The following ANO9 variants were observed in gnomAD, a reference collection of about 807,000 sequenced individuals.
ANO9 encodes the protein anoctamin-9.
Under a neutral mutation model 100.5 loss-of-function variants are expected in ANO9, and 80 were observed. The observed-to-expected ratio is 0.80, with a 90% CI of 0.66 to 0.96. ANO9 has a LOEUF of 0.96. Ranked by LOEUF, ANO9 falls within the 40% of genes least tolerant of loss-of-function variation. ANO9 has a pLI of 0.00. For synonymous variants in ANO9, 473 were observed against 435.6 expected, an observed-to-expected ratio of 1.09 and a Z score of -1.07; for missense variants, 1,064 against 1,072.7, an observed-to-expected ratio of 0.99 and a Z score of 0.11.
Position 418,914 on chromosome 11 carries a change from C to T in ANO9, c.2010G>A (p.Glu670=), listed in dbSNP as rs1454964335. ...TKDFQDPDGI[E]GSENVTLCRY... Reference sequence around the variant, plus strand: ...TGCACAGAGTCACGTTTTCTGAGCCCTCAATCCCATCAGGGTCCTGGAAGT... The same window carrying T: ...TGCACAGAGTCACGTTTTCTGAGCCTTCAATCCCATCAGGGTCCTGGAAGT... The change falls in exon 21 of 23, where the codon GAG becomes GAA. Residue 670 remains glutamate, a synonymous_variant. Transcript: ENST00000332826. 2 of 1,613,588 alleles carry T rather than the reference C, an allele frequency of 1.2e-6. No homozygotes were observed. Among genetic ancestry groups the T allele is most frequent in the South Asian group, 2.2e-5 (2 of 91,084 alleles).
intron 15 of ANO9, among the ~76,000 whole-genome samples, chr11:426,076 C>T (rs1336993576): frequency 6.6e-6 from 1 of 152,172 alleles, no homozygotes; most frequent in Non-Finnish European, 1.5e-5. Flanking sequence ...AATGAAAAGA[C>T]TTTGCCCATC....
intron 3 of ANO9, 143 bp from the exon 4 acceptor site, chr11:433,602 C>G (rs1392131963): frequency 1.2e-5 from 17 of 1,455,912 alleles, no homozygotes; most frequent in African/African-American, 1.5e-5. Flanking sequence ...CCGCTGTGGC[C>G]CAGAGCCACG....
rs562549592 is a variant in ANO9 at position 422,133 on chromosome 11, C to T, written c.1335-935G>A. Among the ~76,000 whole-genome samples, 1 of 152,296 alleles carries T rather than the reference C, an allele frequency of 6.6e-6. No homozygotes were observed. ...GGGGAAACATGGCATGAGAAAGTAT[C>T]GGTCACCCGCAGACACCAGCACAAG... is the stretch of plus-strand genomic sequence containing the variant. On this transcript the variant is annotated intron_variant, in intron 15 of 22. Transcript: ENST00000332826. The surrounding 1 kb of genome is among the most constrained non-coding windows in gnomAD (Gnocchi z 4.3).
rs1237516400 is a variant in ANO9, at chr11:419,756, C to G, written c.1787-27G>C. 4 of 1,581,966 alleles carry G rather than the reference C, an allele frequency of 2.5e-6. No individual in the cohort carries two copies. The African/African-American group carries it at 4.7e-5, about 19-fold the overall frequency. ...TGCACCAGAGCAGTGGGCAAGCGGT[C>G]TGACTCAGCGTCCCTCGGCTGGTTC... On this transcript the variant is annotated intron_variant, in intron 19 of 22. Coordinates refer to ENST00000332826, the MANE Select transcript of ANO9 (RefSeq NM_001012302.3).
rs1849048578 is a variant in ANO9, at chr11:431,986, C to A, written c.406+13G>T. ...CCGCAGCGCCCCTGTCAGTGCCCCACCCCTGCCCTTACCACCAGCCGAGGT... is the reference window on the plus strand; with the variant it reads ...CCGCAGCGCCCCTGTCAGTGCCCCAACCCTGCCCTTACCACCAGCCGAGGT... On this transcript the variant is annotated intron_variant, in intron 5 of 22. Coordinates refer to ENST00000332826, the MANE Select transcript of ANO9 (RefSeq NM_001012302.3). 2 of 1,613,094 alleles carry A rather than the reference C, an allele frequency of 1.2e-6. No individual in the cohort carries two copies. Among genetic ancestry groups the A allele is most frequent in the East Asian group, 4.5e-5 (2 of 44,880 alleles).
At position 433,932 on chromosome 11, in the gene ANO9, C is replaced by A; in HGVS notation, c.87G>T (p.Glu29Asp). 6.4e-7 allele frequency: 1 copy of A among 1,561,382 alleles called. No individual in the cohort carries two copies. The highest frequency in any genetic ancestry group is 8.7e-7 in the Non-Finnish European group (1 of 1,152,660). Residue 29 changes from glutamate to aspartate, a missense_variant, in exon 3 of 23, where the codon GAG (glutamate) becomes GAT (aspartate). Transcript: ENST00000332826. The stretch of plus-strand genomic sequence containing the variant: ...GGACATAGTCCCACTGCTCGGAGGC[C>A]TCGGTCTGCAGGGAGGAGGCATGGG... Reference protein sequence around the residue: ...PLMEISTCETEASEQWDYVLV... With the variant: ...PLMEISTCETDASEQWDYVLV...
Position 434,232 on chromosome 11 carries a change from G to A in ANO9, c.7-134C>T, listed in dbSNP as rs147372503. The A allele has an allele frequency of 8.1e-4, 876 of 1,080,158 alleles. 2 individuals carry two copies. The African/African-American group carries it at 0.011, about 14-fold the overall frequency. 66.9% of individuals were successfully genotyped at this position (1,080,158 alleles called of 1,614,324 possible). ...CACAAGGAGAACAGCAAAGAGTCCCGAGGAGATGGCTGTAGGCGGGTGACA... is the reference window on the plus strand; with the variant it reads ...CACAAGGAGAACAGCAAAGAGTCCCAAGGAGATGGCTGTAGGCGGGTGACA... On this transcript the variant is annotated intron_variant, in intron 1 of 22. Coordinates refer to ENST00000332826, the MANE Select transcript of ANO9 (RefSeq NM_001012302.3).
Position 420,704 on chromosome 11 carries a change from C to T in ANO9, c.1633+14G>A, listed in dbSNP as rs758987359. The T allele has an allele frequency of 6.2e-7, 1 of 1,605,076 alleles. No homozygotes were observed. ...TTCGTCTCCGCGAACCCCCGCCCCG[C>T]AGCGCCCACGCACTCATCTCCATGA... On this transcript the variant is annotated intron_variant, in intron 18 of 22. Coordinates refer to ENST00000332826, the MANE Select transcript of ANO9 (RefSeq NM_001012302.3).
At chr11:440,654 G>C (rs181562272) in intron 1 of ANO9, 2 of 151,844 alleles carry the variant, frequency 1.3e-5, no homozygotes, top group Admixed American at 1.3e-4. Context: ...CTCAGCCTCC[G>C]GAGTAGCTGG....
rs371374296 is a variant in ANO9 at position 418,902 on chromosome 11, G to A, written c.2022C>T (p.Asn674=). 9.3e-6 allele frequency: 15 copies of A among 1,613,294 alleles called. No homozygotes were observed. Among genetic ancestry groups the A allele is most frequent in the African/African-American group, 4.0e-5 (3 of 74,866 alleles). The change falls in exon 21 of 23, where the codon AAC becomes AAT. Residue 674 remains asparagine (N), a synonymous_variant. Transcript: ENST00000332826. ...QDPDGIEGSE[N]VTLCRYRDYR... is the part of the protein sequence containing the mutation. The stretch of plus-strand genomic sequence containing the variant: ...GAGTTCCAAACCTGCACAGAGTCAC[G>A]TTTTCTGAGCCCTCAATCCCATCAG...
At chr11:430,024 G>T in intron 9 of ANO9, 59 bp downstream of exon 9, 2 of 1,514,098 alleles carry the variant, frequency 1.3e-6, no homozygotes, top group Non-Finnish European at 1.8e-6. Context: ...CCCCCGCTTC[G>T]GGTGGATGCA....
chr11:429,714 T>G (rs747807297), intron 10 of ANO9, 44 bp downstream of exon 10: 3 of 1,612,090 alleles, frequency 1.9e-6, no homozygotes, highest in Admixed American at 1.7e-5. Context: ...GAGCTTGGGC[T>G]GGCACTTCCC....
chr11:428,944 G>A lies in ANO9; in HGVS notation c.916-118C>T. 5.2e-6 allele frequency: 5 copies of A among 963,020 alleles called. No individual in the cohort carries two copies. In the Middle Eastern group the frequency reaches 8.6e-4, roughly 165 times the overall value. The allele number at this position is 963,020 out of a possible 1,614,324, so 59.7% of individuals were successfully genotyped here. ...ACGGGACACTCACCCCACACATGGG[G>A]AGACAGACACGGGACACGCACCCCA... On this transcript the variant is annotated intron_variant, in intron 11 of 22. Coordinates refer to ENST00000332826, the MANE Select transcript of ANO9 (RefSeq NM_001012302.3).
Position 432,344 on chromosome 11 carries a change from C to T in ANO9, c.351-290G>A, listed in dbSNP as rs1412904939. On this transcript the variant is annotated intron_variant, in intron 4 of 22. Transcript: ENST00000332826. The surrounding 1 kb of genome is among the most constrained non-coding windows in gnomAD (Gnocchi z 4.8). ...TCCCAGAAGCCCAGACCACAGCCCG[C>T]ACCTGCAACCACACCTCCCACCTGC... 1 of 499,256 alleles carries T rather than the reference C, an allele frequency of 2.0e-6. No individual in the cohort carries two copies. Among genetic ancestry groups the T allele is most frequent in the Non-Finnish European group, 3.7e-6 (1 of 273,784 alleles). 30.9% of individuals were successfully genotyped at this position (499,256 alleles called of 1,614,324 possible). A position where few individuals can be genotyped will look rare whatever the true frequency, so the allele number is the denominator to read the frequency against.
At chr11:433,514 G>GCCCCAGAACCCTCCCCCGTCTATTCCA (rs1849194818) in intron 3 of ANO9, 55 bp from the exon 4 acceptor site, 2 of 1,549,068 alleles carry the variant, frequency 1.3e-6, no homozygotes, top group Non-Finnish European at 1.8e-6. Context: ...GCTCTATCCC[G>GCCCCAGAACCCTCCCCCGTCTATTCCA]CCTCAGAACC....
chr11:433,551 C>T (rs1313169947), intron 3 of ANO9, 92 bp from the exon 4 acceptor site: 6 of 1,493,808 alleles, frequency 4.0e-6, no homozygotes, highest in Non-Finnish European at 5.5e-6. Context: ...ACCTCAGAAC[C>T]CTCCCCCCTC....
rs973840444 is a variant in ANO9, at chr11:422,967, T to A, written c.1335-1769A>T. Among the ~76,000 whole-genome samples, 1 of 151,896 alleles carries A rather than the reference T, an allele frequency of 6.6e-6. No individual in the cohort carries two copies. Among genetic ancestry groups the A allele is most frequent in the South Asian group, 2.1e-4 (1 of 4,818 alleles). On this transcript the variant is annotated intron_variant, in intron 15 of 22. Coordinates refer to ENST00000332826, the MANE Select transcript of ANO9 (RefSeq NM_001012302.3). The surrounding 1 kb of genome is among the most constrained non-coding windows in gnomAD (Gnocchi z 4.3). The stretch of plus-strand genomic sequence containing the variant: ...GCCTCAGCCTCCTGAGTAGCTGGGA[T>A]TACAGGTGCGCGCCACCACGCCTGG...
chr11:426,094 G>C (rs1848506213), intron 15 of ANO9, among the ~76,000 whole-genome samples: 1 of 152,162 alleles, frequency 6.6e-6, no homozygotes, highest in Admixed American at 6.6e-5. Flanking sequence ...ATCAGCTCAA[G>C]ATGGAACATA....
At chr11:433,249 G>A (rs990145090) in intron 4 of ANO9, 65 bp downstream of exon 4, 32 of 1,577,490 alleles carry the variant, frequency 2.0e-5, no homozygotes, top group Non-Finnish European at 2.6e-5. Context: ...CTCCTGCCCG[G>A]TCTGGACCAA....
Sources: gnomAD v4.1 joint callset for allele counts (sites outside exome capture counted in the v4.1 genomes callset) on GRCh38, gnomAD v4.1.1 for gene constraint, Gnocchi (gnomAD v3.1) non-coding constraint, MANE v1.5 for transcripts, NCBI Gene and HGNC (gene_info 2026-07-23, HGNC 2026-07-21) for gene names.